The following MCC variants were observed in gnomAD, a reference collection of about 807,000 sequenced individuals.
MCC encodes colorectal mutant cancer protein.
A neutral mutation model predicts 116.2 loss-of-function variants in MCC; 90 were observed. The observed-to-expected ratio is 0.77, with a 90% CI of 0.65 to 0.92. The LOEUF is 0.92. Ranked by LOEUF, MCC falls within the 40% of genes least tolerant of loss-of-function variation. The pLI is 0.00. For synonymous variants in MCC, 578 were observed against 510.5 expected (o/e 1.13, Z -1.78); for missense variants, 1,516 against 1,312.2 (o/e 1.16, Z -2.40).
chr5:113,368,622 G>GTT (rs372519921), intron 2 of MCC, among the ~76,000 whole-genome samples: 7 of 146,106 alleles, frequency 4.8e-5, no homozygotes, highest in African/African-American at 1.5e-4. Flanking sequence ...GAGAAAAAGT[G>GTT]TTTTTTTTTT....
rs151001568 is a variant in MCC, at chr5:113,162,802, C to T, written c.628-11380G>A. Among the ~76,000 whole-genome samples, 433 of 152,226 alleles carry T rather than the reference C, an allele frequency of 2.8e-3. 3 individuals are homozygous for T. The highest frequency in any genetic ancestry group is 6.0e-3 in the Admixed American group (92 of 15,304). ...GCTAGAGCCACTGTGCCTTGGTCCA[C>T]TGCCACCTTACTGACCACAATTATC... On this transcript the variant is annotated intron_variant, in intron 3 of 18. Coordinates refer to ENST00000408903, the MANE Select transcript of MCC (RefSeq NM_001085377.2).
intron 3 of MCC, among the ~76,000 whole-genome samples, chr5:113,336,097 A>C (rs1429074855): frequency 6.6e-6 from 1 of 151,460 alleles, no homozygotes; most frequent in Non-Finnish European, 1.5e-5. Context: ...AGAAAAAGAA[A>C]GAGAGAGAGA....
chr5:113,339,962 C>A (rs1325395640), intron 3 of MCC, among the ~76,000 whole-genome samples: 1 of 152,228 alleles, frequency 6.6e-6, no homozygotes, highest in Non-Finnish European at 1.5e-5. Context: ...ATTTGGCAGC[C>A]CTGACTTAGA....
At chr5:113,192,010 C>A (rs982921808) in intron 3 of MCC, among the ~76,000 whole-genome samples, 3 of 152,182 alleles carry the variant, frequency 2.0e-5, no homozygotes, top group African/African-American at 4.8e-5. Context: ...ATGACGTATG[C>A]AAGACAGATT....
At chr5:113,069,239 T>C (rs771330549) in intron 12 of MCC, among the ~76,000 whole-genome samples, 2 of 152,232 alleles carry the variant, frequency 1.3e-5, no homozygotes, top group Admixed American at 6.5e-5. Flanking sequence ...AAATGTCTCA[T>C]GAAACATTCT....
At chr5:113,307,469 G>A (rs1767018107) in intron 3 of MCC, among the ~76,000 whole-genome samples, 1 of 151,982 alleles carries the variant, frequency 6.6e-6, no homozygotes, top group Non-Finnish European at 1.5e-5. Flanking sequence ...GTACAGAATT[G>A]CAATTGATTT....
chr5:113,327,561 A>AAAAATATATATATAT (rs1480996383), intron 3 of MCC, among the ~76,000 whole-genome samples: 11 of 80,556 alleles, frequency 1.4e-4, no homozygotes, highest in African/African-American at 4.5e-4. Context: ...AAAAAAAAAA[A>AAAAATATATATATAT]ATATATATAT....
At chr5:113,333,036 G>A (rs943741861) in intron 3 of MCC, among the ~76,000 whole-genome samples, 2 of 151,564 alleles carry the variant, frequency 1.3e-5, no homozygotes, top group African/African-American at 4.9e-5. Flanking sequence ...ACTGAAAAGT[G>A]TAAAAACAAA....
intron 16 of MCC, among the ~76,000 whole-genome samples, chr5:113,044,951 C>T (rs997189284): frequency 2.6e-5 from 4 of 152,308 alleles, no homozygotes; most frequent in Non-Finnish European, 4.4e-5. Context: ...TGTGGTCTCC[C>T]GAGGCAGTTC....
At chr5:113,378,581 C>A (rs765142186) in intron 2 of MCC, among the ~76,000 whole-genome samples, 5 of 152,230 alleles carry the variant, frequency 3.3e-5, no homozygotes, top group Middle Eastern at 3.4e-3. Flanking sequence ...TGAGACCTGA[C>A]CAAAGGAAGA....
chr5:113,340,696 G>A lies in MCC; in HGVS notation c.450C>T (p.Tyr150=), dbSNP rs369561075. The change falls in exon 3 of 19, where the codon TAC becomes TAT. Residue 150 remains tyrosine (Y), a synonymous_variant. Transcript: ENST00000408903. The stretch of plus-strand genomic sequence containing the variant: ...TCTGGAGGTCCCTGGCACCAGAGTC[G>A]TATTCCCAGCTCTCCCTGGCTGCTG... ...ALSAARESWE[Y]DSGARDLQSP... The A allele has an allele frequency of 1.5e-5, 25 of 1,613,778 alleles. No individual in the cohort carries two copies. Among genetic ancestry groups the A allele is most frequent in the African/African-American group, 1.3e-4 (10 of 75,046 alleles).
At chr5:113,137,238 A>G (rs573014086) in intron 5 of MCC, among the ~76,000 whole-genome samples, 2 of 152,178 alleles carry the variant, frequency 1.3e-5, no homozygotes, top group Non-Finnish European at 1.5e-5. Context: ...GAAAACCATC[A>G]GATCTTGTCA....
At position 113,052,724 on chromosome 5, in the gene MCC, C is replaced by T. The variant is rs1752565991; in HGVS notation, c.2448+1001G>A. ...ATTAACTCTGCACTGCCACGACCTG[C>T]TCTGGCTTGCTAGACTCCAGTTCCT... On this transcript the variant is annotated intron_variant, in intron 15 of 18. Coordinates refer to ENST00000408903, the MANE Select transcript of MCC (RefSeq NM_001085377.2). Among the ~76,000 whole-genome samples the T allele has an allele frequency of 2.6e-5, 4 of 152,302 alleles. No individual in the cohort carries two copies. The South Asian group carries it at 6.2e-4, about 24-fold the overall frequency.
chr5:113,079,348 A>G (rs529137024), intron 11 of MCC, among the ~76,000 whole-genome samples: 43 of 152,370 alleles, frequency 2.8e-4, no homozygotes, highest in African/African-American at 9.6e-4. Context: ...CCACATTGCT[A>G]AGACAATCCT....
chr5:113,166,988 G>A (rs918110097), intron 3 of MCC, among the ~76,000 whole-genome samples: 1 of 152,138 alleles, frequency 6.6e-6, no homozygotes, highest in African/African-American at 2.4e-5. Context: ...AAGGTACAGC[G>A]ATGGCTGTGG....
At chr5:113,143,386 G>A in intron 4 of MCC, 26 bp from the exon 5 acceptor site, 2 of 1,612,886 alleles carry the variant, frequency 1.2e-6, no homozygotes, top group Non-Finnish European at 1.7e-6. Flanking sequence ...AAGGACAGAA[G>A]TGCTGATGAA....
intron 1 of MCC, among the ~76,000 whole-genome samples, chr5:113,396,880 C>A (rs952462351): frequency 3.3e-5 from 5 of 152,066 alleles, no homozygotes; most frequent in Admixed American, 3.3e-4. Flanking sequence ...CCCATGATTC[C>A]AAATATTCCA....
At chr5:113,188,220 G>T (rs6892018) in intron 3 of MCC, among the ~76,000 whole-genome samples, 148,075 of 152,274 alleles carry the variant, frequency 0.97, 72,124 homozygotes, top group East Asian at 1. Flanking sequence ...ATGCCCCATT[G>T]TCTATTACAA....
At chr5:113,226,215 CAAG>C (rs910277784) in intron 3 of MCC, among the ~76,000 whole-genome samples, 2 of 152,150 alleles carry the variant, frequency 1.3e-5, no homozygotes, top group Non-Finnish European at 2.9e-5. Flanking sequence ...AAAGCTAACA[CAAG>C]AAACCTTTCT....
Sources: gnomAD v4.1 joint callset for allele counts (sites outside exome capture counted in the v4.1 genomes callset) on GRCh38, gnomAD v4.1.1 for gene constraint, MANE v1.5 for transcripts, NCBI Gene and HGNC (gene_info 2026-07-23, HGNC 2026-07-21) for gene names.